ADGRB1: variants seen among roughly 807,000 people sequenced by gnomAD.
ADGRB1 encodes the protein adhesion G protein-coupled receptor B1.
ADGRB1 carries 36 observed loss-of-function variants against 175.7 expected under a neutral mutation model. That is an observed-to-expected ratio of 0.20 (90% CI 0.16 to 0.27). The LOEUF is 0.27. Ranked by LOEUF, ADGRB1 falls within the 10% of genes least tolerant of loss-of-function variation. The pLI, the probability that ADGRB1 is intolerant of heterozygous loss-of-function variation, is 1.00. For missense variants in ADGRB1, 1,731 were observed against 2,255.3 expected (o/e 0.77, Z 4.71); for synonymous variants, 1,054 against 979.4 (o/e 1.08, Z -1.42).
intron 25 of ADGRB1, among the ~76,000 whole-genome samples, chr8:142,534,439 G>C (rs762613958): frequency 6.6e-6 from 1 of 152,210 alleles, no homozygotes; most frequent in South Asian, 2.1e-4. Context: ...TGGGGATGCC[G>C]CCTGGAAACA....
chr8:142,512,646 A>C (rs1413704540), intron 18 of ADGRB1, among the ~76,000 whole-genome samples: 1 of 152,152 alleles, frequency 6.6e-6, no homozygotes, highest in Non-Finnish European at 1.5e-5. Context: ...AGTCCCTCTG[A>C]GCCTCAGTTT....
At chr8:142,461,175 C>T (rs1401011218) in intron 1 of ADGRB1, among the ~76,000 whole-genome samples, 1 of 152,214 alleles carries the variant, frequency 6.6e-6, no homozygotes, top group Non-Finnish European at 1.5e-5. Flanking sequence ...AGAGCATGGG[C>T]GGTGACCCGC....
chr8:142,536,876 C>T (rs1563751854), intron 25 of ADGRB1, 111 bp from the exon 26 acceptor site: 3 of 882,536 alleles, frequency 3.4e-6, no homozygotes, highest in Non-Finnish European at 1.7e-6. Flanking sequence ...GCTGACCAGC[C>T]CTGCCCTTCC....
rs992744892 is a variant in ADGRB1, at chr8:142,465,088, T to C, written c.784+106T>C. 4.6e-5 allele frequency: 6 copies of C among 131,710 alleles called. No homozygotes were observed. In the East Asian group the frequency reaches 1.3e-3, roughly 29 times the overall value. 8.2% of individuals were successfully genotyped at this position (131,710 alleles called of 1,614,324 possible). On this transcript the variant is annotated intron_variant, in intron 2 of 30. Transcript: ENST00000517894. ...GGGGGAAGTGGGCGGACAGAGGAGG[T>C]GGGCGGGCAGGCGGAGGTGGGTGGG... is the stretch of plus-strand genomic sequence containing the variant.
chr8:142,528,093 C>T (rs1172298311), intron 24 of ADGRB1, among the ~76,000 whole-genome samples: 1 of 152,200 alleles, frequency 6.6e-6, no homozygotes, highest in African/African-American at 2.4e-5. Context: ...GGTGGAGGGG[C>T]ACCCAGTACA....
At chr8:142,456,464 C>T (rs1839689195) in intron 1 of ADGRB1, among the ~76,000 whole-genome samples, 3 of 152,346 alleles carry the variant, frequency 2.0e-5, no homozygotes, top group South Asian at 2.1e-4. Context: ...ACACATGCCA[C>T]GTGCACACTC....
chr8:142,506,206 T>A (rs1465091523), intron 17 of ADGRB1, among the ~76,000 whole-genome samples: 1 of 151,568 alleles, frequency 6.6e-6, no homozygotes, highest in African/African-American at 2.4e-5. Context: ...GTGGGAGGAG[T>A]CCCAATGGTG....
chr8:142,504,792 C>T lies in ADGRB1; in HGVS notation c.2676-6140C>T. Among the ~76,000 whole-genome samples, 1 of 151,990 alleles carries T rather than the reference C, an allele frequency of 6.6e-6. No homozygotes were observed. Among genetic ancestry groups the T allele is most frequent in the Non-Finnish European group, 1.5e-5 (1 of 67,982 alleles). ...TGGGGAGGCCAGCCCATTAAGGCTC[C>T]TGAGGCCAGGCCTAGAAGCCGAAGC... On this transcript the variant is annotated intron_variant, in intron 17 of 30. Transcript: ENST00000517894. The surrounding 1 kb of genome is among the most constrained non-coding windows in gnomAD (Gnocchi z 5.6).
At chr8:142,523,324 T>G (rs1587408449) in intron 22 of ADGRB1, among the ~76,000 whole-genome samples, 3 of 150,408 alleles carry the variant, frequency 2.0e-5, no homozygotes, top group Non-Finnish European at 4.4e-5. Flanking sequence ...AACCGAGGCT[T>G]GAAGGGAGGG....
At chr8:142,500,235 ACCTCCCCACGCGCCG>A (rs1842429938) in intron 17 of ADGRB1, among the ~76,000 whole-genome samples, 1 of 13,586 alleles carries the variant, frequency 7.4e-5, no homozygotes, top group Non-Finnish European at 1.5e-4. Flanking sequence ...CCGCTCCTCC[ACCTCCCCACGCGCCG>A]CTCCTCCACC....
chr8:142,540,986 G>C (rs958473849), intron 27 of ADGRB1, among the ~76,000 whole-genome samples: 1 of 152,086 alleles, frequency 6.6e-6, no homozygotes, highest in Non-Finnish European at 1.5e-5. Context: ...TGGTGACCCT[G>C]GGGCCCGTGT....
At chr8:142,501,779 A>G (rs1587358389) in intron 17 of ADGRB1, among the ~76,000 whole-genome samples, 1 of 41,856 alleles carries the variant, frequency 2.4e-5, no homozygotes, top group African/African-American at 5.3e-5. Flanking sequence ...GGTGGTAGGG[A>G]TGGCTGTGTG....
In ADGRB1 at chr8:142,493,048, G is replaced by A. The variant is rs114663432; in HGVS notation, c.2675+2233G>A. 0.018 allele frequency among the ~76,000 whole-genome samples: 2,677 copies of A among 152,038 alleles called. 90 individuals are homozygous for A. Among genetic ancestry groups the A allele is most frequent in the African/African-American group, 0.062 (2,555 of 41,490 alleles). On this transcript the variant is annotated intron_variant, in intron 17 of 30. Transcript: ENST00000517894. The surrounding 1 kb of genome is among the most constrained non-coding windows in gnomAD (Gnocchi z 5.0). ...ATGCCAGCGTGACCAGCGATCTTGC[G>A]AGGACAGCTTCACCCGTACTTCTGA...
intron 11 of ADGRB1, 75 bp from the exon 12 acceptor site, chr8:142,483,902 C>G: frequency 6.6e-7 from 1 of 1,514,584 alleles, no homozygotes; most frequent in Non-Finnish European, 9.1e-7. Flanking sequence ...CACACTGAAT[C>G]CTGACCCTGG....
In ADGRB1 at chr8:142,464,658, G is replaced by C. The variant is rs989704280; in HGVS notation, c.460G>C (p.Asp154His). The C allele has an allele frequency of 5.3e-6, 8 of 1,521,698 alleles. No individual in the cohort carries two copies. Among genetic ancestry groups the C allele is most frequent in the African/African-American group, 4.2e-5 (3 of 70,878 alleles). The allele number at this position is 1,521,698 out of a possible 1,614,324, so 94.3% of individuals were successfully genotyped here. A position where few individuals can be genotyped will look rare whatever the true frequency, so the allele number is the denominator to read the frequency against. Residue 154 changes from aspartate to histidine, a missense_variant, in exon 2 of 31, where the codon GAC becomes CAC. By Grantham distance (81) the Asp-to-His change is moderately conservative. Coordinates refer to ENST00000517894, the MANE Select transcript of ADGRB1 (RefSeq NM_001702.3). ...GCGGCGCCAGCAGCCGCCCCAGCAC[G>C]ACGGGCTCCGGCCCCGGGCCGGGCC... ...QMRRQQPPQH[D>H]GLRPRAGPPG...
intron 1 of ADGRB1, among the ~76,000 whole-genome samples, chr8:142,461,531 C>A (rs948651403): frequency 6.6e-6 from 1 of 152,186 alleles, no homozygotes; most frequent in African/African-American, 2.4e-5. Flanking sequence ...ATGACCGAGG[C>A]CCTAGACTCC....
Position 142,511,470 on chromosome 8 carries a change from A to G in ADGRB1, c.2817+397A>G. Among the ~76,000 whole-genome samples the G allele has an allele frequency of 6.6e-6, 1 of 152,058 alleles. No homozygotes were observed. Among genetic ancestry groups the G allele is most frequent in the Middle Eastern group, 3.2e-3 (1 of 316 alleles). ...TTTCCCTTGGTCCTCTCCGCCTGCC[A>G]GGGAGAGGGAGGAGGAGGAGCTGCC... On this transcript the variant is annotated intron_variant, in intron 18 of 30. Transcript: ENST00000517894. This position sits in a 1 kb window ranked among gnomAD's most constrained non-coding sequence, Gnocchi z 4.5.
intron 3 of ADGRB1, 92 bp from the exon 4 acceptor site, chr8:142,476,493 C>T: frequency 3.4e-6 from 4 of 1,186,834 alleles, no homozygotes; most frequent in Non-Finnish European, 3.6e-6. Context: ...AGCCAGGTGG[C>T]CCAGTGCTGC....
rs544237904 is a variant in ADGRB1, at chr8:142,477,493, A to G, written c.1331A>G (p.Asn444Ser). The G allele has an allele frequency of 1.5e-4, 240 of 1,613,156 alleles. 1 individual carries two copies. In the East Asian group the frequency reaches 5.1e-3, roughly 35 times the overall value. The change falls in exon 6 of 31, where the codon AAC (asparagine) becomes AGC (serine). Residue 444 changes from asparagine to serine, a missense_variant. Asn to Ser is a conservative substitution (Grantham distance 46). Coordinates refer to ENST00000517894, the MANE Select transcript of ADGRB1 (RefSeq NM_001702.3). ...RTCRPPQFGG[N>S]PCEGPEKQTK... ...TGCAGGCCCCCCCAGTTTGGGGGCA[A>G]CCCCTGTGAGGGCCCTGAGAAGCAA...
Sources: allele counts gnomAD v4.1 joint callset (sites outside exome capture counted in the v4.1 genomes callset), GRCh38; gene constraint gnomAD v4.1.1; non-coding constraint Gnocchi (gnomAD v3.1); transcripts MANE v1.5; gene names NCBI Gene and HGNC (gene_info 2026-07-23, HGNC 2026-07-21).